Variants in SVIL observed in about 807,000 individuals in gnomAD.
SVIL encodes archvillin.
SVIL carries 101 observed loss-of-function variants against 240.4 expected under a neutral mutation model. The observed-to-expected ratio is 0.42, with a 90% confidence interval of 0.36 to 0.50. The LOEUF (loss-of-function observed/expected upper bound fraction) is 0.50. SVIL is among the 20% of genes least tolerant of loss of function. The probability of loss-of-function intolerance (pLI) is 0.01; values close to 1 mark genes in which losing one functional copy is unlikely to be tolerated. For missense variants in SVIL, 2,512 were observed against 2,818.7 expected, an observed-to-expected ratio of 0.89 and a Z score of 2.46; for synonymous variants, 999 against 1,100.0, an observed-to-expected ratio of 0.91 and a Z score of 1.82.
At chr10:29,714,294 T>G (rs11007707) in intron 1 of SVIL, among the ~76,000 whole-genome samples, 28,892 of 152,108 alleles carry the variant, frequency 0.19, 2,815 homozygotes, top group Admixed American at 0.23. Flanking sequence ...TGAAATTACA[T>G]AACGACATAG....
At chr10:29,635,459 T>C (rs2132964066), upstream of SVIL, among the ~76,000 whole-genome samples, 1 of 152,276 alleles carries the variant, frequency 6.6e-6, no homozygotes, top group East Asian at 1.9e-4. Context: ...AAATGAATCA[T>C]CAGAAGAAAG....
intron 1 of SVIL, among the ~76,000 whole-genome samples, chr10:29,583,712 T>C (rs528625252): frequency 6.6e-6 from 1 of 152,204 alleles, no homozygotes; most frequent in Non-Finnish European, 1.5e-5. Context: ...TATTTCACAC[T>C]TTCATGATTG....
intron 1 of SVIL, among the ~76,000 whole-genome samples, chr10:29,586,978 C>A (rs1394346667): frequency 1.3e-5 from 2 of 152,172 alleles, no homozygotes; most frequent in African/African-American, 2.4e-5. Flanking sequence ...ATAATCTCTA[C>A]AACAAACCCC....
At chr10:29,458,624 T>G in intron 36 of SVIL, 35 bp from the exon 37 acceptor site, 4 of 1,599,060 alleles carry the variant, frequency 2.5e-6, no homozygotes, top group Non-Finnish European at 3.4e-6. Flanking sequence ...GGAGAGCTCG[T>G]GTCCTACATT....
intron 7 of SVIL, 119 bp downstream of exon 7, chr10:29,535,870 T>C (rs1311208969): frequency 1.9e-5 from 19 of 998,724 alleles, no homozygotes; most frequent in Non-Finnish European, 2.9e-5. Context: ...TTCCACGTGA[T>C]TTTCAAGTGC....
chr10:29,611,773 G>A (rs1460322200), intron 1 of SVIL, among the ~76,000 whole-genome samples: 1 of 152,196 alleles, frequency 6.6e-6, no homozygotes, highest in Non-Finnish European at 1.5e-5. Context: ...GTCTCAACCA[G>A]TCAGAACTCA....
At chr10:29,493,683 G>A (rs1444129224) in intron 20 of SVIL, among the ~76,000 whole-genome samples, 1 of 152,030 alleles carries the variant, frequency 6.6e-6, no homozygotes, top group Non-Finnish European at 1.5e-5. Context: ...GAGGGTAGGT[G>A]AACCAGCCTC....
intron 1 of SVIL, among the ~76,000 whole-genome samples, chr10:29,688,062 T>C (rs1961224865): frequency 6.6e-6 from 1 of 152,162 alleles, no homozygotes; most frequent in Non-Finnish European, 1.5e-5. Flanking sequence ...GGGGAAAGTG[T>C]CAATTACGCT....
chr10:29,573,722 T>TC (rs11394438), intron 1 of SVIL, among the ~76,000 whole-genome samples: 39,191 of 150,500 alleles, frequency 0.26, 5,281 homozygotes, highest in East Asian at 0.37. Flanking sequence ...TTTTTTTTTT[T>TC]CCCGCTCTGT....
In SVIL at chr10:29,484,605, G is replaced by A. The variant is rs754424548; in HGVS notation, c.4955+51C>T. The A allele has an allele frequency of 7.7e-6, 12 of 1,552,656 alleles. No individual in the cohort carries two copies. In the South Asian group the frequency reaches 1.4e-4, roughly 18 times the overall value. On this transcript the variant is annotated intron_variant, in intron 27 of 37. Coordinates refer to ENST00000355867, the MANE Select transcript of SVIL (RefSeq NM_021738.3). The surrounding 1 kb of genome is among the most constrained non-coding windows in gnomAD (Gnocchi z 4.7). ...GGACTGTGGTGAGAACAGAGGGATC[G>A]AAGGGAATCAGCTCGCTTGAAGAGC...
upstream of SVIL, among the ~76,000 whole-genome samples, chr10:29,639,465 G>C (rs1334526468): frequency 7.7e-6 from 1 of 130,648 alleles, no homozygotes; most frequent in Non-Finnish European, 1.6e-5. Context: ...CACTGCGCCT[G>C]GCCCTTTTTT....
At chr10:29,603,436 G>A (rs1956891671) in intron 1 of SVIL, among the ~76,000 whole-genome samples, 1 of 152,204 alleles carries the variant, frequency 6.6e-6, no homozygotes, top group Non-Finnish European at 1.5e-5. Context: ...GTACTCATAT[G>A]AAGCTTTTAA....
intron 29 of SVIL, among the ~76,000 whole-genome samples, chr10:29,479,170 C>T (rs918516905): frequency 6.6e-6 from 1 of 152,110 alleles, no homozygotes; most frequent in Non-Finnish European, 1.5e-5. Flanking sequence ...CTGGGATCTT[C>T]AGCCCCTCCT....
intron 9 of SVIL, 80 bp downstream of exon 9, chr10:29,531,922 C>T (rs879193692): frequency 8.8e-6 from 13 of 1,470,922 alleles, no homozygotes; most frequent in South Asian, 7.4e-5. Flanking sequence ...ATATAAATAG[C>T]GTCAAGACCG....
At chr10:29,520,910 A>G (rs1012940651) in intron 16 of SVIL, among the ~76,000 whole-genome samples, 13 of 135,228 alleles carry the variant, frequency 9.6e-5, no homozygotes, top group Non-Finnish European at 1.8e-4. Flanking sequence ...GAGGAAGACC[A>G]TTCCTCTAAA....
intron 6 of SVIL, among the ~76,000 whole-genome samples, chr10:29,536,572 G>A (rs898052781): frequency 2.6e-5 from 4 of 152,074 alleles, no homozygotes; most frequent in Admixed American, 6.6e-5. Flanking sequence ...TGTATCTAAG[G>A]CCATCAAATC....
At position 29,529,892 on chromosome 10, in the gene SVIL, T is replaced by G. The variant is rs563987628; in HGVS notation, c.2107-48A>C. 1.1e-5 allele frequency: 17 copies of G among 1,547,608 alleles called. No individual in the cohort carries two copies. The East Asian group carries it at 4.0e-4, about 36-fold the overall frequency. ...ACCCTTATAAATTCAAGGAAAGAGC[T>G]GGGCACGGTGGCTCACGCCTGTAAT... On this transcript the variant is annotated intron_variant, in intron 11 of 37. Transcript: ENST00000355867.
At chr10:29,646,657 T>A (rs1255720896) in intron 3 of SVIL, among the ~76,000 whole-genome samples, 1 of 152,112 alleles carries the variant, frequency 6.6e-6, no homozygotes, top group Admixed American at 6.5e-5. Context: ...ATTACAGTAA[T>A]CTAATCTTGT....
At chr10:29,665,227 CAAAAA>C (rs58164251) in intron 2 of SVIL, among the ~76,000 whole-genome samples, 5 of 67,380 alleles carry the variant, frequency 7.4e-5, no homozygotes, top group African/African-American at 2.5e-4. Context: ...GATCTTGTCT[CAAAAA>C]AAAAAAAAAA....
Sources: allele counts gnomAD v4.1 joint callset (sites outside exome capture counted in the v4.1 genomes callset), GRCh38; gene constraint gnomAD v4.1.1; non-coding constraint Gnocchi (gnomAD v3.1); transcripts MANE v1.5; gene names NCBI Gene and HGNC (gene_info 2026-07-23, HGNC 2026-07-21).